NAV2: variants seen among roughly 807,000 people sequenced by gnomAD.
NAV2 encodes helicase, APC down-regulated 1.
In NAV2, 54 loss-of-function variants were observed where a neutral mutation model predicts 223.2. The observed-to-expected ratio is 0.24, with a 90% CI of 0.19 to 0.30. The LOEUF is 0.30. Among genes scored for constraint, NAV2 ranks in the 10% least tolerant of loss-of-function variants. The probability of loss-of-function intolerance (pLI) is 1.00; values close to 1 mark genes in which losing one functional copy is unlikely to be tolerated. For synonymous variants in NAV2, 1,279 were observed against 1,239.3 expected, an observed-to-expected ratio of 1.03 and a Z score of -0.67; for missense variants, 2,806 against 3,147.5, an observed-to-expected ratio of 0.89 and a Z score of 2.60.
intron 11 of NAV2, among the ~76,000 whole-genome samples, chr11:20,021,297 G>A (rs1368216184): frequency 6.6e-6 from 1 of 152,134 alleles, no homozygotes; most frequent in Non-Finnish European, 1.5e-5. Flanking sequence ...TTGCCACATT[G>A]CAGATGCTTT....
intron 1 of NAV2, among the ~76,000 whole-genome samples, chr11:19,687,261 G>C (rs968121005): frequency 6.6e-6 from 1 of 152,238 alleles, no homozygotes; most frequent in Admixed American, 6.5e-5. Context: ...GCTCTTGGCT[G>C]CATTGACACT....
chr11:19,807,232 G>C (rs1237234713), intron 1 of NAV2, among the ~76,000 whole-genome samples: 2 of 152,278 alleles, frequency 1.3e-5, no homozygotes, highest in South Asian at 4.1e-4. Context: ...TGACAAATTA[G>C]AATATCCCTT....
chr11:19,514,847 G>A (rs2043393976), intron 1 of NAV2, among the ~76,000 whole-genome samples: 1 of 152,222 alleles, frequency 6.6e-6, no homozygotes, highest in Admixed American at 6.5e-5. Flanking sequence ...GGCCCAGGCT[G>A]TGCTCTGGGC....
rs1198983542 is a variant in NAV2 at position 19,867,809 on chromosome 11, A to T, written c.439-1116A>T. On this transcript the variant is annotated intron_variant, in intron 3 of 37. Transcript: ENST00000349880. ...GAAGATGTGAAGACTGGGAGTAGAT[A>T]AGTCATAAAATGCCAAATGTCAATA... Among the ~76,000 whole-genome samples the T allele has an allele frequency of 2.0e-5, 3 of 152,196 alleles. 1 individual carries two copies. Among genetic ancestry groups the T allele is most frequent in the East Asian group, 3.9e-4 (2 of 5,194 alleles).
chr11:19,714,122 G>T, intron 1 of NAV2, 160 bp downstream of exon 1: 1 of 1,093,164 alleles, frequency 9.1e-7, no homozygotes, highest in Non-Finnish European at 1.3e-6. Flanking sequence ...TGCGCGAGGA[G>T]AGTGGGCCGG....
At chr11:19,912,819 G>A (rs2043430469) in intron 6 of NAV2, among the ~76,000 whole-genome samples, 1 of 152,172 alleles carries the variant, frequency 6.6e-6, no homozygotes, top group Non-Finnish European at 1.5e-5. Flanking sequence ...AAGCTGTACT[G>A]CAGTTCAGAG....
intron 1 of NAV2, among the ~76,000 whole-genome samples, chr11:19,732,957 A>G (rs1478040357): frequency 6.6e-6 from 1 of 152,254 alleles, no homozygotes; most frequent in East Asian, 1.9e-4. Context: ...TGCCTGCACA[A>G]TTATGCAGTT....
At chr11:19,845,630 C>T (rs2060762614) in intron 3 of NAV2, among the ~76,000 whole-genome samples, 1 of 152,312 alleles carries the variant, frequency 6.6e-6, no homozygotes, top group South Asian at 2.1e-4. Context: ...AGGTTAGGAG[C>T]ATGAGCTTTG....
chr11:19,937,978 T>A (rs550773153), intron 7 of NAV2, among the ~76,000 whole-genome samples: 7 of 152,338 alleles, frequency 4.6e-5, no homozygotes, highest in African/African-American at 1.4e-4. Flanking sequence ...GGAAGCTGCA[T>A]CTTAAAGACA....
rs1265893959 is a variant in NAV2 at position 19,627,930 on chromosome 11, AAG to A, written c.76-204552_76-204551del. Among the ~76,000 whole-genome samples, 83 of 13,050 alleles carry A rather than the reference AAG, an allele frequency of 6.4e-3. 1 individual carries two copies. In the East Asian group the frequency reaches 0.28, roughly 44 times the overall value. The allele number at this position is 13,050 out of a possible 152,430, so 8.6% of individuals were successfully genotyped here. On this transcript the variant is annotated intron_variant, in intron 1 of 37. Coordinates refer to the NAV2 transcript ENST00000360655. ...TTGTTTTCAAAAAAAAAAAAAAAAGAAGAAGAAGAAGAAGAAGAGATAATGAT... is the reference window on the plus strand; with the variant it reads ...TTGTTTTCAAAAAAAAAAAAAAAAGAAAGAAGAAGAAGAAGAGATAATGAT...
At chr11:19,749,167 A>G (rs10766587) in intron 1 of NAV2, among the ~76,000 whole-genome samples, 62,126 of 152,036 alleles carry the variant, frequency 0.41, 13,106 homozygotes, top group Middle Eastern at 0.49. Flanking sequence ...TTTTTTAATA[A>G]GCTTAAAGGT....
chr11:19,396,847 C>T (rs984575923), intron 1 of NAV2, among the ~76,000 whole-genome samples: 1 of 152,140 alleles, frequency 6.6e-6, no homozygotes, highest in African/African-American at 2.4e-5. Flanking sequence ...CAAAAGAATC[C>T]AAAAATACAT....
chr11:19,970,798 T>G (rs2049174468), intron 10 of NAV2, among the ~76,000 whole-genome samples: 2 of 152,254 alleles, frequency 1.3e-5, no homozygotes, highest in Admixed American at 1.3e-4. Context: ...TTGTATTTTC[T>G]TGGACAAATC....
intron 37 of NAV2, among the ~76,000 whole-genome samples, chr11:20,117,015 G>C (rs932671481): frequency 6.6e-6 from 1 of 152,146 alleles, no homozygotes; most frequent in Non-Finnish European, 1.5e-5. Flanking sequence ...TGGCTGTGCA[G>C]ATGGACACCA....
intron 1 of NAV2, among the ~76,000 whole-genome samples, chr11:19,488,318 G>T (rs1028151132): frequency 1.3e-5 from 2 of 152,156 alleles, no homozygotes; most frequent in African/African-American, 2.4e-5. Flanking sequence ...TTTATTAGTC[G>T]CAATAACACT....
intron 18 of NAV2, among the ~76,000 whole-genome samples, chr11:20,054,836 T>C (rs1939020265): frequency 6.6e-6 from 1 of 152,234 alleles, no homozygotes; most frequent in South Asian, 2.1e-4. Flanking sequence ...GGAATTCTTT[T>C]TCAGGAAGAC....
At chr11:19,917,206 TC>T (rs1474606318) in intron 6 of NAV2, among the ~76,000 whole-genome samples, 1 of 152,194 alleles carries the variant, frequency 6.6e-6, no homozygotes, top group Non-Finnish European at 1.5e-5. Flanking sequence ...AGGTGCTGCC[TC>T]CAGCCTTTCT....
intron 3 of NAV2, among the ~76,000 whole-genome samples, chr11:19,850,438 A>T (rs1280444118): frequency 6.6e-6 from 1 of 152,174 alleles, no homozygotes; most frequent in Admixed American, 6.5e-5. Context: ...GGGTAGATGG[A>T]CAGACGGAAA....
chr11:19,490,453 A>G (rs2042588074), intron 1 of NAV2, among the ~76,000 whole-genome samples: 1 of 152,242 alleles, frequency 6.6e-6, no homozygotes, highest in African/African-American at 2.4e-5. Context: ...TTGGAATTTC[A>G]GTAACGTTCT....
Sources: gnomAD v4.1 joint callset for allele counts (sites outside exome capture counted in the v4.1 genomes callset) on GRCh38, gnomAD v4.1.1 for gene constraint, MANE v1.5 for transcripts, NCBI Gene and HGNC (gene_info 2026-07-23, HGNC 2026-07-21) for gene names.